OR2Z1: variants seen among roughly 807,000 people sequenced by gnomAD.
OR2Z1 encodes olfactory receptor family 2 subfamily Z member 1.
For synonymous variants in OR2Z1, 188 were observed against 160.6 expected, an observed-to-expected ratio of 1.17 and a Z score of -1.29; for missense variants, 449 against 401.8, an observed-to-expected ratio of 1.12 and a Z score of -1.00.
intron 1 of OR2Z1, among the ~76,000 whole-genome samples, chr19:8,722,449 C>T (rs1022964860): frequency 6.6e-6 from 1 of 152,100 alleles, no homozygotes; most frequent in Admixed American, 6.6e-5. Context: ...TCTGGTCACT[C>T]AGTGTCAGCA....
intron 2 of OR2Z1, among the ~76,000 whole-genome samples, chr19:8,724,610 C>T (rs981290216): frequency 9.2e-5 from 14 of 152,190 alleles, no homozygotes; most frequent in Non-Finnish European, 1.8e-4. Context: ...CCATTCCCAC[C>T]ATCCTCACTT....
chr19:8,722,767 C>T (rs11665990), intron 1 of OR2Z1, among the ~76,000 whole-genome samples: 3,208 of 152,060 alleles, frequency 0.021, 52 homozygotes, highest in Non-Finnish European at 0.036. Context: ...CTTTGTGAGG[C>T]CAAGATGGGG....
chr19:8,730,737 A>C, intron 2 of OR2Z1, 123 bp from the exon 3 acceptor site: 1 of 434,432 alleles, frequency 2.3e-6, no homozygotes, highest in Non-Finnish European at 4.1e-6. Flanking sequence ...ATTTTTCACT[A>C]TAGGGAGCAG....
At chr19:8,725,726 A>G (rs1599207684) in intron 2 of OR2Z1, among the ~76,000 whole-genome samples, 2 of 152,264 alleles carry the variant, frequency 1.3e-5, no homozygotes, top group East Asian at 3.8e-4. Flanking sequence ...CATGAAGGTC[A>G]TCAGATAGCA....
At chr19:8,730,414 A>G (rs2043346836) in intron 2 of OR2Z1, among the ~76,000 whole-genome samples, 1 of 150,508 alleles carries the variant, frequency 6.6e-6, no homozygotes. Flanking sequence ...GGCTGTCTTT[A>G]ACTTGAACCG....
rs782366389 is a variant in OR2Z1 at position 8,731,577 on chromosome 19, C to G, written c.549C>G (p.Ala183=). ...ATCACTTCTTCTGTGAGGTGCCAGCCCTACTGAAGCTCTCCTGTGCAGATA... is the reference window on the plus strand; with the variant it reads ...ATCACTTCTTCTGTGAGGTGCCAGCGCTACTGAAGCTCTCCTGTGCAGATA... The part of the protein sequence containing the change: ...IVDHFFCEVP[A]LLKLSCADTC... Residue 183 remains alanine, a synonymous_variant, in exon 3 of 3, where the codon GCC becomes GCG. Transcript: ENST00000641125. 1.9e-6 allele frequency: 3 copies of G among 1,614,088 alleles called. No homozygotes were observed. The South Asian group carries it at 3.3e-5, about 18-fold the overall frequency.
Position 8,731,116 on chromosome 19 carries a change from C to T in OR2Z1, c.88C>T (p.Leu30=), listed in dbSNP as rs2043351116. Residue 30 remains leucine (L), a synonymous_variant, in exon 3 of 3, where the codon CTG becomes TTG. Coordinates refer to ENST00000641125, the MANE Select transcript of OR2Z1 (RefSeq NM_001004699.3). The stretch of plus-strand genomic sequence containing the variant: ...AGGATCACGCCAGCTCCTCTTCTCC[C>T]TGGTGGCTGTCATGTTTGTCATAGG... The part of the protein sequence containing the change: ...HSGSRQLLFS[L]VAVMFVIGLL... 22 of 1,614,146 alleles carry T rather than the reference C, an allele frequency of 1.4e-5. No individual in the cohort carries two copies. The highest frequency in any genetic ancestry group is 1.9e-5 in the Non-Finnish European group (22 of 1,180,012).
Position 8,721,872 on chromosome 19 carries a change from C to T in OR2Z1, c.-385C>T, listed in dbSNP as rs2043309230. 1 of 152,190 alleles carries T rather than the reference C, an allele frequency of 6.6e-6. No homozygotes were observed. The highest frequency in any genetic ancestry group is 1.5e-5 in the Non-Finnish European group (1 of 68,052). 9.4% of individuals were successfully genotyped at this position (152,190 alleles called of 1,614,324 possible). On this transcript the variant is annotated 5_prime_UTR_variant, in exon 1 of 3. Transcript: ENST00000641125. ...CAGCTCACTTTCTGGAGACTGTGAC[C>T]ATCCTACAACAGTGATGCTCTGGAG... is the stretch of plus-strand genomic sequence containing the variant.
chr19:8,729,069 A>G, intron 2 of OR2Z1: 4 of 1,145,842 alleles, frequency 3.5e-6, no homozygotes, highest in Non-Finnish European at 5.2e-6. Flanking sequence ...GGGCTGCTGG[A>G]AGGTGGGTGA....
intron 2 of OR2Z1, among the ~76,000 whole-genome samples, chr19:8,727,991 C>T (rs1248728553): frequency 2.0e-5 from 3 of 152,270 alleles, no homozygotes; most frequent in East Asian, 3.9e-4. Context: ...ATAAAACATA[C>T]GAATAATAAA....
At position 8,732,008 on chromosome 19, in the gene OR2Z1, C is replaced by A; in HGVS notation, c.*35C>A. The A allele has an allele frequency of 6.7e-7, 1 of 1,490,678 alleles. No individual in the cohort carries two copies. The highest frequency in any genetic ancestry group is 9.2e-7 in the Non-Finnish European group (1 of 1,083,454). 92.3% of individuals were successfully genotyped at this position (1,490,678 alleles called of 1,614,324 possible). A position where few individuals can be genotyped will look rare whatever the true frequency, so the allele number is the denominator to read the frequency against. ...AACTGCTGGTGAGATTCCAGCGGTCCTCGATCCCACCCACCTTCCCAAAGT... is the reference window on the plus strand; with the variant it reads ...AACTGCTGGTGAGATTCCAGCGGTCATCGATCCCACCCACCTTCCCAAAGT... On this transcript the variant is annotated 3_prime_UTR_variant, in exon 3 of 3. Transcript: ENST00000641125.
At chr19:8,729,812 A>C (rs1458279123) in intron 2 of OR2Z1, among the ~76,000 whole-genome samples, 3 of 151,328 alleles carry the variant, frequency 2.0e-5, no homozygotes, top group African/African-American at 4.9e-5. Context: ...CTGGTCTCGA[A>C]CTCCTGACCT....
At chr19:8,726,190 C>A (rs1274874495) in intron 2 of OR2Z1, among the ~76,000 whole-genome samples, 1 of 152,216 alleles carries the variant, frequency 6.6e-6, no homozygotes, top group Non-Finnish European at 1.5e-5. Flanking sequence ...TGGTTGCAAA[C>A]TCCTGACCTC....
chr19:8,728,463 C>G (rs1158068916), intron 2 of OR2Z1, among the ~76,000 whole-genome samples: 11 of 152,200 alleles, frequency 7.2e-5, no homozygotes, highest in African/African-American at 1.7e-4. Context: ...AGCTCAGCAG[C>G]AACTGCCCCT....
At chr19:8,729,208 G>A in intron 2 of OR2Z1, 1 of 734,420 alleles carries the variant, frequency 1.4e-6, no homozygotes, top group Non-Finnish European at 2.4e-6. Context: ...GCGCCATCTT[G>A]TGAAAAGGGC....
chr19:8,729,411 G>GTTTTT (rs34124566), intron 2 of OR2Z1, among the ~76,000 whole-genome samples: 1 of 142,468 alleles, frequency 7.0e-6, no homozygotes, highest in Non-Finnish European at 1.5e-5. Flanking sequence ...CAATGAACAG[G>GTTTTT]TTTTTTTTTT....
chr19:8,730,644 T>C (rs1555756617), intron 2 of OR2Z1, among the ~76,000 whole-genome samples: 1 of 152,134 alleles, frequency 6.6e-6, no homozygotes, highest in African/African-American at 2.4e-5. Context: ...GGTCTCGAAC[T>C]CCTGACCTCG....
chr19:8,728,706 A>G (rs2145079624), intron 2 of OR2Z1: 1 of 554,096 alleles, frequency 1.8e-6, no homozygotes, highest in Admixed American at 2.0e-5. Context: ...AGATATACAT[A>G]TATTTAGAAT....
chr19:8,722,941 G>A (rs2043312995), intron 1 of OR2Z1, among the ~76,000 whole-genome samples, 165 bp from the exon 2 acceptor site: 1 of 152,178 alleles, frequency 6.6e-6, no homozygotes, highest in African/African-American at 2.4e-5. Context: ...GAGCCCAGGA[G>A]TTGAAGGCTG....
Sources: allele counts gnomAD v4.1 joint callset (sites outside exome capture counted in the v4.1 genomes callset), GRCh38; gene constraint gnomAD v4.1.1; transcripts MANE v1.5; gene names NCBI Gene and HGNC (gene_info 2026-07-23, HGNC 2026-07-21).